GALNTL6: variants seen among roughly 807,000 people sequenced by gnomAD.
The protein encoded by GALNTL6 is polypeptide N-acetylgalactosaminyltransferase-like 6.
Under a neutral mutation model 73.7 loss-of-function variants are expected in GALNTL6, and 46 were observed. That is an observed-to-expected ratio of 0.62 (90% CI 0.49 to 0.80). The LOEUF (loss-of-function observed/expected upper bound fraction) is 0.80, where lower values mean the gene tolerates loss of function less well. Ranked by LOEUF, GALNTL6 falls within the 30% of genes least tolerant of loss-of-function variation. The pLI is 0.00. For missense variants in GALNTL6, 604 were observed against 755.0 expected, an observed-to-expected ratio of 0.80 and a Z score of 2.34; for synonymous variants, 259 against 263.7, an observed-to-expected ratio of 0.98 and a Z score of 0.17.
rs528708261 is a variant in GALNTL6, at chr4:172,543,244, T to C, written c.553+194555T>C. ...AACACAACCAATTACGTGCACATGC[T>C]CAGGATAAAAAATAAGTGGTCCTCA... On this transcript the variant is annotated intron_variant, in intron 5 of 12. Transcript: ENST00000506823. 3.3e-5 allele frequency among the ~76,000 whole-genome samples: 5 copies of C among 152,292 alleles called. No homozygotes were observed. In the South Asian group the frequency reaches 8.3e-4, roughly 25 times the overall value.
intron 5 of GALNTL6, among the ~76,000 whole-genome samples, chr4:172,415,965 A>T (rs1004796035): frequency 5.3e-5 from 8 of 152,178 alleles, no homozygotes; most frequent in Admixed American, 2.6e-4. Context: ...CTGACTACTG[A>T]TTTCATTTCT....
intron 2 of GALNTL6, among the ~76,000 whole-genome samples, chr4:172,078,303 C>T (rs1225700235): frequency 6.6e-6 from 1 of 152,148 alleles, no homozygotes; most frequent in Non-Finnish European, 1.5e-5. Context: ...TCCCCCTTTG[C>T]TCACTCTCTC....
intron 2 of GALNTL6, among the ~76,000 whole-genome samples, chr4:172,037,106 TA>T (rs2110832083): frequency 6.6e-6 from 1 of 152,300 alleles, no homozygotes; most frequent in South Asian, 2.1e-4. Context: ...TACATAAATT[TA>T]AAAAGCCTGA....
intron 5 of GALNTL6, among the ~76,000 whole-genome samples, chr4:172,808,773 TC>T (rs1458408134): frequency 6.6e-6 from 1 of 152,090 alleles, no homozygotes; most frequent in Admixed American, 6.5e-5. Context: ...ATAGGTAAGT[TC>T]CAAACGACTG....
intron 2 of GALNTL6, among the ~76,000 whole-genome samples, chr4:172,055,614 G>C (rs140166192): frequency 6.6e-6 from 1 of 152,040 alleles, no homozygotes; most frequent in East Asian, 1.9e-4. Context: ...TCCAAAGTCC[G>C]TTTAGTCAAC....
intron 5 of GALNTL6, among the ~76,000 whole-genome samples, chr4:172,415,625 A>T (rs1730801540): frequency 6.6e-6 from 1 of 152,134 alleles, no homozygotes; most frequent in African/African-American, 2.4e-5. Context: ...AACCCCTCAG[A>T]CACCAAGCTG....
At chr4:172,783,325 A>G (rs919840583) in intron 5 of GALNTL6, among the ~76,000 whole-genome samples, 20 of 148,950 alleles carry the variant, frequency 1.3e-4, no homozygotes, top group African/African-American at 4.6e-4. Context: ...CACAATCTCA[A>G]TCAAACCCCA....
intron 4 of GALNTL6, among the ~76,000 whole-genome samples, chr4:172,320,841 C>T (rs72984394): frequency 6.6e-6 from 1 of 152,278 alleles, no homozygotes; most frequent in African/African-American, 2.4e-5. Context: ...ATGTGGGCAA[C>T]CCAAAGCCAC....
chr4:172,902,087 G>A (rs1218390999), intron 8 of GALNTL6, among the ~76,000 whole-genome samples: 1 of 152,092 alleles, frequency 6.6e-6, no homozygotes, highest in African/African-American at 2.4e-5. Flanking sequence ...TCCAAATCCA[G>A]GTACTTAATT....
In GALNTL6 at chr4:172,744,880, A is replaced by G. The variant is rs1049332323; in HGVS notation, c.554-64481A>G. On this transcript the variant is annotated intron_variant, in intron 5 of 12. Coordinates refer to ENST00000506823, the MANE Select transcript of GALNTL6 (RefSeq NM_001034845.3). Reference sequence around the variant, plus strand: ...GTGTGTGTGTGTGTGTGTATTTCAGATCATAATATCCACCAATTTTGTATT... The same window carrying G: ...GTGTGTGTGTGTGTGTGTATTTCAGGTCATAATATCCACCAATTTTGTATT... 2.1e-5 allele frequency among the ~76,000 whole-genome samples: 3 copies of G among 146,184 alleles called. No homozygotes were observed. The Admixed American group carries it at 2.1e-4, about 10-fold the overall frequency.
At chr4:172,814,940 T>C (rs545808262) in intron 7 of GALNTL6, among the ~76,000 whole-genome samples, 3 of 152,174 alleles carry the variant, frequency 2.0e-5, no homozygotes, top group African/African-American at 7.2e-5. Context: ...TACTGGAGAG[T>C]TTTTGAAAAG....
intron 2 of GALNTL6, among the ~76,000 whole-genome samples, chr4:172,160,894 ACACACACACACACACAT>A (rs1734440752): frequency 2.0e-5 from 1 of 51,020 alleles, no homozygotes; most frequent in Non-Finnish European, 4.5e-5. Context: ...ATATATAGAC[ACACACACACACACACAT>A]ACACACACAC....
At chr4:171,959,482 T>C (rs190977007) in intron 2 of GALNTL6, among the ~76,000 whole-genome samples, 14 of 152,316 alleles carry the variant, frequency 9.2e-5, no homozygotes, top group Admixed American at 7.2e-4. Context: ...ATACCAATTT[T>C]AGTGAATATA....
At chr4:171,933,222 G>C (rs530523575) in intron 2 of GALNTL6, among the ~76,000 whole-genome samples, 1 of 152,268 alleles carries the variant, frequency 6.6e-6, no homozygotes, top group African/African-American at 2.4e-5. Context: ...TCAGCCACTT[G>C]TTTGATTTTA....
At chr4:172,432,265 A>G (rs1731484021) in intron 5 of GALNTL6, among the ~76,000 whole-genome samples, 1 of 151,678 alleles carries the variant, frequency 6.6e-6, no homozygotes, top group Non-Finnish European at 1.5e-5. Context: ...GGAGAGTTAT[A>G]TGAGTGTGGT....
At chr4:171,986,420 G>A (rs1012808037) in intron 2 of GALNTL6, among the ~76,000 whole-genome samples, 20 of 152,150 alleles carry the variant, frequency 1.3e-4, no homozygotes, top group African/African-American at 4.6e-4. Context: ...TGTACGTGCA[G>A]GTCACAGGGG....
At chr4:172,615,962 G>A (rs1356915852) in intron 5 of GALNTL6, among the ~76,000 whole-genome samples, 3 of 152,132 alleles carry the variant, frequency 2.0e-5, no homozygotes, top group Admixed American at 2.0e-4. Context: ...AGTAAATGAA[G>A]TATTAAAATG....
chr4:172,840,584 A>G (rs1743154656), intron 7 of GALNTL6, among the ~76,000 whole-genome samples: 1 of 152,228 alleles, frequency 6.6e-6, no homozygotes, highest in Non-Finnish European at 1.5e-5. Context: ...GTGCAAGGCC[A>G]CTATTTTAGA....
intron 2 of GALNTL6, among the ~76,000 whole-genome samples, chr4:171,870,287 G>A (rs991027439): frequency 1.3e-5 from 2 of 152,132 alleles, no homozygotes; most frequent in African/African-American, 2.4e-5. Flanking sequence ...TATCCTTAAG[G>A]GAGATAATAC....
Sources: allele counts gnomAD v4.1 joint callset (sites outside exome capture counted in the v4.1 genomes callset), GRCh38; gene constraint gnomAD v4.1.1; transcripts MANE v1.5; gene names NCBI Gene and HGNC (gene_info 2026-07-23, HGNC 2026-07-21).